GABRB2: variants seen among roughly 807,000 people sequenced by gnomAD.
The protein encoded by GABRB2 is gamma-aminobutyric acid type A receptor subunit beta2.
Under a neutral mutation model 54.7 loss-of-function variants are expected in GABRB2, and 16 were observed. The observed-to-expected ratio is 0.29, with a 90% confidence interval of 0.20 to 0.44. The LOEUF (loss-of-function observed/expected upper bound fraction) is 0.44, where lower values mean the gene tolerates loss of function less well. Among genes scored for constraint, GABRB2 ranks in the 20% least tolerant of loss-of-function variants. The pLI, the probability that GABRB2 is intolerant of heterozygous loss-of-function variation, is 1.00. For missense variants in GABRB2, 355 were observed against 644.0 expected (o/e 0.55, Z 4.86); for synonymous variants, 244 against 233.8 (o/e 1.04, Z -0.40).
intron 3 of GABRB2, among the ~76,000 whole-genome samples, chr5:161,510,479 C>T (rs1170190835): frequency 6.6e-6 from 1 of 151,810 alleles, no homozygotes; most frequent in South Asian, 2.1e-4. Flanking sequence ...TGTACATGTA[C>T]CATATTTTCA....
intron 3 of GABRB2, among the ~76,000 whole-genome samples, chr5:161,516,811 G>A (rs949551084): frequency 6.6e-6 from 1 of 152,134 alleles, no homozygotes; most frequent in African/African-American, 2.4e-5. Flanking sequence ...AGGTAGTGTG[G>A]ACTGCTATCA....
chr5:161,397,208 T>C (rs1337395621), intron 5 of GABRB2, among the ~76,000 whole-genome samples: 1 of 152,202 alleles, frequency 6.6e-6, no homozygotes, highest in Admixed American at 6.5e-5. Flanking sequence ...AAGTAACTTT[T>C]CTACATCTGT....
intron 4 of GABRB2, among the ~76,000 whole-genome samples, chr5:161,432,722 C>T (rs550442880): frequency 1.3e-5 from 2 of 151,818 alleles, no homozygotes; most frequent in South Asian, 4.2e-4. Flanking sequence ...GTGACAGCAC[C>T]CAGATGAAGA....
intron 5 of GABRB2, among the ~76,000 whole-genome samples, chr5:161,386,631 G>A (rs1755647066): frequency 1.3e-5 from 2 of 152,044 alleles, no homozygotes. Flanking sequence ...CCAGGCTCAA[G>A]TGATTAACTG....
intron 5 of GABRB2, among the ~76,000 whole-genome samples, chr5:161,400,539 A>G (rs1489819719): frequency 1.3e-5 from 2 of 152,156 alleles, no homozygotes; most frequent in East Asian, 3.9e-4. Context: ...CAGGGGGAAA[A>G]TTAGCATTAG....
intron 4 of GABRB2, among the ~76,000 whole-genome samples, chr5:161,417,304 C>T (rs946291715): frequency 3.3e-5 from 5 of 152,178 alleles, no homozygotes; most frequent in Admixed American, 1.3e-4. Flanking sequence ...ATGTTCACGA[C>T]ACTAGTGTCA....
intron 5 of GABRB2, among the ~76,000 whole-genome samples, chr5:161,359,758 G>A (rs1264191018): frequency 6.6e-6 from 1 of 152,188 alleles, no homozygotes; most frequent in Admixed American, 6.5e-5. Context: ...AGATCAATGA[G>A]TAAGTAATTA....
chr5:161,377,027 T>C (rs887756157), intron 5 of GABRB2, among the ~76,000 whole-genome samples: 10 of 152,124 alleles, frequency 6.6e-5, no homozygotes, highest in Non-Finnish European at 2.9e-5. Context: ...AATATAACCA[T>C]GTAATAATAT....
intron 9 of GABRB2, among the ~76,000 whole-genome samples, chr5:161,299,191 C>T (rs994048207): frequency 3.3e-5 from 5 of 152,242 alleles, no homozygotes; most frequent in African/African-American, 1.2e-4. Flanking sequence ...GAATAGACAT[C>T]TGTGCTTTGC....
intron 3 of GABRB2, among the ~76,000 whole-genome samples, chr5:161,514,801 T>C (rs1554105728): frequency 1.3e-5 from 2 of 152,182 alleles, no homozygotes; most frequent in Non-Finnish European, 2.9e-5. Flanking sequence ...AAGCCTTCGC[T>C]TGAATTTTGA....
At chr5:161,513,714 T>C (rs191848591) in intron 3 of GABRB2, among the ~76,000 whole-genome samples, 1 of 152,220 alleles carries the variant, frequency 6.6e-6, no homozygotes, top group Non-Finnish European at 1.5e-5. Flanking sequence ...GGCTCATTTA[T>C]ATCTGAGGCC....
chr5:161,483,211 C>T (rs1051796219), intron 3 of GABRB2, among the ~76,000 whole-genome samples: 2 of 152,014 alleles, frequency 1.3e-5, no homozygotes, highest in South Asian at 4.2e-4. Context: ...GCATCGAACA[C>T]CATTCCCAAC....
chr5:161,397,625 G>A (rs554345666), intron 5 of GABRB2, among the ~76,000 whole-genome samples: 4 of 152,192 alleles, frequency 2.6e-5, no homozygotes, highest in African/African-American at 4.8e-5. Context: ...ATTCTTGACC[G>A]ATTTATGGAT....
At chr5:161,442,669 G>T (rs937854652) in intron 4 of GABRB2, among the ~76,000 whole-genome samples, 2 of 152,146 alleles carry the variant, frequency 1.3e-5, no homozygotes, top group South Asian at 4.1e-4. Context: ...CACTACCTGG[G>T]TCAGGTTGCA....
intron 4 of GABRB2, among the ~76,000 whole-genome samples, chr5:161,432,531 T>C (rs1417950624): frequency 6.6e-6 from 1 of 152,234 alleles, no homozygotes; most frequent in Non-Finnish European, 1.5e-5. Flanking sequence ...TCTAAAATTC[T>C]GGGAGTCATG....
chr5:161,319,667 G>A (rs1054073806), intron 9 of GABRB2, among the ~76,000 whole-genome samples: 6 of 151,334 alleles, frequency 4.0e-5, no homozygotes, highest in East Asian at 3.9e-4. Context: ...CCTTATTTAC[G>A]TTATGTGACC....
chr5:161,306,756 G>A (rs539481515), intron 9 of GABRB2, among the ~76,000 whole-genome samples: 3 of 151,990 alleles, frequency 2.0e-5, no homozygotes, highest in South Asian at 4.2e-4. Flanking sequence ...TTTGACACAC[G>A]TTTAATGCTC....
intron 5 of GABRB2, among the ~76,000 whole-genome samples, chr5:161,356,442 C>T (rs1206324169): frequency 6.6e-6 from 1 of 152,106 alleles, no homozygotes; most frequent in Non-Finnish European, 1.5e-5. Flanking sequence ...CCCTCCATAG[C>T]CCCTGATGAA....
chr5:161,433,684 T>C (rs1294522256), intron 4 of GABRB2, among the ~76,000 whole-genome samples: 1 of 152,010 alleles, frequency 6.6e-6, no homozygotes, highest in African/African-American at 2.4e-5. Flanking sequence ...TGAATTACCC[T>C]CTTCTCATCA....
Sources: allele counts gnomAD v4.1 joint callset (sites outside exome capture counted in the v4.1 genomes callset), GRCh38; gene constraint gnomAD v4.1.1; transcripts MANE v1.5; gene names NCBI Gene and HGNC (gene_info 2026-07-23, HGNC 2026-07-21).